The following SPTBN4 variants were observed in gnomAD, a reference collection of about 807,000 sequenced individuals.
SPTBN4 encodes the protein spectrin beta chain, non-erythrocytic 4.
In SPTBN4, 96 loss-of-function variants were observed where a neutral mutation model predicts 277.8. The ratio of observed to expected loss-of-function variants is 0.35; its 90% confidence interval spans 0.29 to 0.41. The LOEUF is 0.41. Among genes scored for constraint, SPTBN4 ranks in the 10% least tolerant of loss-of-function variants. The probability of loss-of-function intolerance (pLI) is 1.00; values close to 1 mark genes in which losing one functional copy is unlikely to be tolerated. For synonymous variants in SPTBN4, 1,481 were observed against 1,580.3 expected (o/e 0.94, Z 1.49); for missense variants, 3,006 against 3,595.7 (o/e 0.84, Z 4.19).
intron 13 of SPTBN4, among the ~76,000 whole-genome samples, chr19:40,508,742 G>A (rs560366141): frequency 2.0e-5 from 3 of 152,186 alleles, no homozygotes; most frequent in South Asian, 2.1e-4. Context: ...TTGGGCTTGT[G>A]TTAGGTGATT....
intron 17 of SPTBN4, among the ~76,000 whole-genome samples, chr19:40,523,909 T>A (rs893167747): frequency 5.3e-5 from 8 of 152,156 alleles, no homozygotes; most frequent in Non-Finnish European, 8.8e-5. Context: ...GTTCAAGTGA[T>A]TCTCCTGCCT....
In SPTBN4 at chr19:40,490,266, C is replaced by T; in HGVS notation, c.495+18C>T. On this transcript the variant is annotated intron_variant, in intron 4 of 35. Transcript: ENST00000598249. This position sits in a 1 kb window ranked among gnomAD's most constrained non-coding sequence, Gnocchi z 4.3. The stretch of plus-strand genomic sequence containing the variant: ...GCTTCCAGGTGACCCTCGAGTGGCC[C>T]CTGCCAAGCCCCGCAACATGGGACT... The T allele has an allele frequency of 6.2e-7, 1 of 1,607,374 alleles. No individual in the cohort carries two copies. Among genetic ancestry groups the T allele is most frequent in the Non-Finnish European group, 8.5e-7 (1 of 1,176,056 alleles).
chr19:40,523,653 A>G lies in SPTBN4; in HGVS notation c.3857+14A>G. ...GCTGCTGGAGAAGTAGGTCCCCTAG[A>G]CCCATCCACCCCAGGGAGGGGGCAG... On this transcript the variant is annotated intron_variant, in intron 17 of 35. Transcript: ENST00000598249. 1.9e-6 allele frequency: 3 copies of G among 1,595,110 alleles called. No homozygotes were observed. The highest frequency in any genetic ancestry group is 2.6e-6 in the Non-Finnish European group (3 of 1,168,058).
chr19:40,534,268 C>T lies in SPTBN4; in HGVS notation c.4284C>T (p.His1428=). 2 of 1,614,170 alleles carry T rather than the reference C, an allele frequency of 1.2e-6. No homozygotes were observed. The highest frequency in any genetic ancestry group is 1.7e-6 in the Non-Finnish European group (2 of 1,180,044). Residue 1428 remains histidine (H), a synonymous_variant, in exon 20 of 36, where the codon CAC becomes CAT. Transcript: ENST00000598249. Reference sequence around the variant, plus strand: ...CTGAGCTGGACAAGAAGCTCCTTCACATGGAGAGCCAGCTGCAAGACGTGG... The same window carrying T: ...CTGAGCTGGACAAGAAGCTCCTTCATATGGAGAGCCAGCTGCAAGACGTGG... ...SFAELDKKLL[H]MESQLQDVDP... is the part of the protein sequence containing the mutation.
chr19:40,529,612 T>G (rs1046363561), intron 18 of SPTBN4, among the ~76,000 whole-genome samples: 2 of 152,114 alleles, frequency 1.3e-5, no homozygotes, highest in African/African-American at 4.8e-5. Flanking sequence ...TCTGCACACA[T>G]TAGGGACGAT....
intron 7 of SPTBN4, 34 bp downstream of exon 7, chr19:40,497,638 C>G: frequency 1.9e-6 from 3 of 1,564,660 alleles, no homozygotes; most frequent in Non-Finnish European, 2.6e-6. Context: ...CAGACTTCGT[C>G]TTGGGGGACT....
At position 40,513,569 on chromosome 19, in the gene SPTBN4, G is replaced by A; in HGVS notation, c.2765+15G>A. On this transcript the variant is annotated intron_variant, in intron 14 of 35. Transcript: ENST00000598249. Reference sequence around the variant, plus strand: ...GTGCAGCACCGGTGAGCGCGCACATGTGGGACTCCGGGGTCCCCTTCCTCA... The same window carrying A: ...GTGCAGCACCGGTGAGCGCGCACATATGGGACTCCGGGGTCCCCTTCCTCA... 3 of 1,530,408 alleles carry A rather than the reference G, an allele frequency of 2.0e-6. No homozygotes were observed. The highest frequency in any genetic ancestry group is 2.6e-6 in the Non-Finnish European group (3 of 1,141,290). The allele number at this position is 1,530,408 out of a possible 1,614,324, so 94.8% of individuals were successfully genotyped here.
chr19:40,496,908 A>C (rs1329184580), intron 6 of SPTBN4, among the ~76,000 whole-genome samples: 1 of 151,782 alleles, frequency 6.6e-6, no homozygotes, highest in Non-Finnish European at 1.5e-5. Flanking sequence ...CCCCGTCTCT[A>C]CTAAAAATAT....
At chr19:40,564,842 A>C (rs57670688) in intron 27 of SPTBN4, among the ~76,000 whole-genome samples, 21,924 of 151,958 alleles carry the variant, frequency 0.14, 1,642 homozygotes, top group Non-Finnish European at 0.16. Context: ...ATTAAAAAAA[A>C]AAAAAAGGAA....
chr19:40,558,736 T>A (rs1313828172), intron 26 of SPTBN4, among the ~76,000 whole-genome samples: 1 of 151,328 alleles, frequency 6.6e-6, no homozygotes, highest in Non-Finnish European at 1.5e-5. Flanking sequence ...GCCTTCCAAA[T>A]AGCTGGGATT....
At chr19:40,471,898 T>A (rs997162350) in intron 1 of SPTBN4, among the ~76,000 whole-genome samples, 93 of 128,834 alleles carry the variant, frequency 7.2e-4, no homozygotes, top group Non-Finnish European at 1.1e-3. Context: ...TGCCACCACA[T>A]CCAGCTATTT....
intron 28 of SPTBN4, 35 bp from the exon 29 acceptor site, chr19:40,565,626 C>T (rs1379402112): frequency 1.3e-6 from 2 of 1,559,478 alleles, no homozygotes; most frequent in East Asian, 4.8e-5. Context: ...CCATTCCACA[C>T]CCTGACTTCC....
intron 24 of SPTBN4, 66 bp from the exon 25 acceptor site, chr19:40,556,017 TA>T (rs1249446228): frequency 6.9e-7 from 1 of 1,441,496 alleles, no homozygotes; most frequent in African/African-American, 1.4e-5. Context: ...GGAGGGGGTT[TA>T]GGGGGGTCAC....
chr19:40,521,561 G>T (rs991816646), intron 16 of SPTBN4, among the ~76,000 whole-genome samples: 1 of 152,076 alleles, frequency 6.6e-6, no homozygotes, highest in African/African-American at 2.4e-5. Context: ...TCACAATAGG[G>T]TTTGTGTTCC....
At chr19:40,498,494 CTCCTGGGT>C (rs1323885965) in intron 7 of SPTBN4, among the ~76,000 whole-genome samples, 3 of 151,436 alleles carry the variant, frequency 2.0e-5, no homozygotes, top group Admixed American at 1.3e-4. Context: ...CAAGCTCCAC[CTCCTGGGT>C]TCACACCATT....
intron 21 of SPTBN4, among the ~76,000 whole-genome samples, chr19:40,549,798 G>A (rs2145924119): frequency 6.6e-6 from 1 of 152,322 alleles, no homozygotes; most frequent in South Asian, 2.1e-4. Flanking sequence ...GGGGCCACAG[G>A]GGTGGCCAAG....
At chr19:40,549,541 GC>G in intron 21 of SPTBN4, 128 bp downstream of exon 21, 1 of 687,690 alleles carries the variant, frequency 1.5e-6, no homozygotes, top group Non-Finnish European at 2.3e-6. Flanking sequence ...GACGCATTCA[GC>G]CGTTCACTCA....
chr19:40,485,930 A>G (rs1382917305), intron 2 of SPTBN4, among the ~76,000 whole-genome samples: 1 of 152,080 alleles, frequency 6.6e-6, no homozygotes, highest in Non-Finnish European at 1.5e-5. Flanking sequence ...AGGGAAGTGC[A>G]AAAGAAAACC....
At position 40,519,813 on chromosome 19, in the gene SPTBN4, C is replaced by T. The variant is rs1264768674; in HGVS notation, c.3316C>T (p.Arg1106Cys). Residue 1106 changes from arginine (R) to cysteine (C), a missense_variant, in exon 16 of 36, where the codon CGC becomes TGC. Physicochemically the swap from Arg to Cys is radical, Grantham distance 180. This residue lies in a region of SPTBN4 where 1,759 missense variants were observed against 2,061.5 expected (regional missense o/e 0.85). Transcript: ENST00000598249. This position sits in a 1 kb window ranked among gnomAD's most constrained non-coding sequence, Gnocchi z 5.7. ...CGACGCTTTCCTGGACTGGCTCGTG[C>T]GCGCCCAGGAGGCGGCGGGCGGCAG... Reference protein sequence around the residue: ...DLDAFLDWLVRAQEAAGGSEG... With the variant: ...DLDAFLDWLVCAQEAAGGSEG... The T allele has an allele frequency of 4.2e-6, 6 of 1,434,854 alleles. No homozygotes were observed. The Admixed American group carries it at 1.5e-4, about 36-fold the overall frequency. The allele number at this position is 1,434,854 out of a possible 1,614,324, so 88.9% of individuals were successfully genotyped here.
Sources: allele counts gnomAD v4.1 joint callset (sites outside exome capture counted in the v4.1 genomes callset), GRCh38; gene constraint gnomAD v4.1.1; regional missense constraint gnomAD v4.1.1; non-coding constraint Gnocchi (gnomAD v3.1); transcripts MANE v1.5; gene names NCBI Gene and HGNC (gene_info 2026-07-23, HGNC 2026-07-21).